HSD17B12: variants seen among roughly 807,000 people sequenced by gnomAD.
HSD17B12 encodes the protein very-long-chain 3-oxoacyl-CoA reductase.
In HSD17B12, 32 loss-of-function variants were observed where a neutral mutation model predicts 39.3. The observed-to-expected ratio is 0.81, with a 90% confidence interval of 0.61 to 1.09. HSD17B12 has a LOEUF of 1.09. Ranked by LOEUF, HSD17B12 falls within the 50% of genes least tolerant of loss-of-function variation. The pLI, the probability that HSD17B12 is intolerant of heterozygous loss-of-function variation, is 0.00. For missense variants in HSD17B12, 342 were observed against 382.9 expected (o/e 0.89, Z 0.89); for synonymous variants, 150 against 146.7 (o/e 1.02, Z -0.16).
the HSD17B12 span, chr11:43,646,306 C>G: frequency 3.3e-5 from 5 of 152,294 alleles, no homozygotes; most frequent in African/African-American, 1.2e-4. Flanking sequence ...TTCCCTCTAA[C>G]CTGACCTAAG....
At chr11:43,772,900 CA>C (rs1197851480) in intron 3 of HSD17B12, among the ~76,000 whole-genome samples, 1 of 152,148 alleles carries the variant, frequency 6.6e-6, no homozygotes, top group Non-Finnish European at 1.5e-5. Context: ...CGCTTGAGCC[CA>C]GGCGTTTGAG....
intron 1 of HSD17B12, among the ~76,000 whole-genome samples, chr11:43,691,366 A>G (rs1325866668): frequency 6.6e-6 from 1 of 152,182 alleles, no homozygotes; most frequent in Non-Finnish European, 1.5e-5. Flanking sequence ...AGTTGATGCA[A>G]ATTTCTCAGG....
chr11:43,785,425 A>G (rs1006665066), intron 3 of HSD17B12, among the ~76,000 whole-genome samples: 8 of 152,212 alleles, frequency 5.3e-5, no homozygotes, highest in Non-Finnish European at 8.8e-5. Flanking sequence ...AACTACATTT[A>G]CTTGCTTGAT....
chr11:43,769,234 C>G (rs1336855928), intron 3 of HSD17B12, among the ~76,000 whole-genome samples: 2 of 152,254 alleles, frequency 1.3e-5, no homozygotes, highest in African/African-American at 4.8e-5. Context: ...GCCACTGCCT[C>G]ACTGCCTTAA....
intron 3 of HSD17B12, among the ~76,000 whole-genome samples, chr11:43,771,909 A>G (rs1950654219): frequency 6.6e-6 from 1 of 152,212 alleles, no homozygotes; most frequent in Non-Finnish European, 1.5e-5. Flanking sequence ...TGTTTCTTCT[A>G]TAAACTGTCA....
Position 43,680,869 on chromosome 11 carries a change from C to G in HSD17B12, c.42C>G (p.Val14=). 2 of 1,614,126 alleles carry G rather than the reference C, an allele frequency of 1.2e-6. No homozygotes were observed. The highest frequency in any genetic ancestry group is 1.7e-6 in the Non-Finnish European group (2 of 1,180,020). Residue 14 remains valine, a synonymous_variant, in exon 1 of 11, where the codon GTC becomes GTG. Transcript: ENST00000278353. ...CCGCCGCCGGCTTCCTGTACTGGGT[C>G]GGCGCGGGCACCGTGGCCTACCTAG... ...ALPAAGFLYW[V]GAGTVAYLAL... is the part of the protein sequence containing the mutation.
At chr11:43,627,842 G>A in the HSD17B12 span, among the ~76,000 whole-genome samples, 1 of 151,928 alleles carries the variant, frequency 6.6e-6, no homozygotes, top group East Asian at 1.9e-4. Context: ...GGAAGTTTCT[G>A]TCTTCATGGC....
chr11:43,611,564 A>G, the HSD17B12 span, among the ~76,000 whole-genome samples: 2 of 152,230 alleles, frequency 1.3e-5, no homozygotes, highest in East Asian at 1.9e-4. Context: ...TTAATCCTTC[A>G]TAACTGCAGA....
At chr11:43,777,157 C>T (rs1950714520) in intron 3 of HSD17B12, among the ~76,000 whole-genome samples, 2 of 152,112 alleles carry the variant, frequency 1.3e-5, no homozygotes, top group African/African-American at 2.4e-5. Flanking sequence ...TCATTGGTAG[C>T]TTGATGGGGA....
chr11:43,701,236 A>G (rs1042420447), intron 1 of HSD17B12, among the ~76,000 whole-genome samples: 1 of 152,132 alleles, frequency 6.6e-6, no homozygotes, highest in Admixed American at 6.5e-5. Context: ...TCTGGTTATT[A>G]ATCCCTTATC....
the HSD17B12 span, among the ~76,000 whole-genome samples, chr11:43,616,461 C>T: frequency 6.9e-6 from 1 of 145,852 alleles, no homozygotes; most frequent in Non-Finnish European, 1.5e-5. Context: ...CAGCATAAGT[C>T]ATTTAAAACT....
the HSD17B12 span, among the ~76,000 whole-genome samples, chr11:43,580,707 G>A: frequency 6.6e-6 from 1 of 152,066 alleles, no homozygotes; most frequent in Non-Finnish European, 1.5e-5. Flanking sequence ...GAATGAGGAG[G>A]GGGTCCTGAA....
the HSD17B12 span, among the ~76,000 whole-genome samples, chr11:43,605,931 A>G: frequency 6.6e-6 from 1 of 152,244 alleles, no homozygotes. Flanking sequence ...GTTGCCTTTC[A>G]TATTGTGAAT....
rs551393313 is a variant in HSD17B12, at chr11:43,750,793, C to A, written c.161-118C>A. 65 of 616,468 alleles carry A rather than the reference C, an allele frequency of 1.1e-4. No individual in the cohort carries two copies. In the East Asian group the frequency reaches 1.8e-3, roughly 17 times the overall value. 38.2% of individuals were successfully genotyped at this position (616,468 alleles called of 1,614,324 possible). A position where few individuals can be genotyped will look rare whatever the true frequency, so the allele number is the denominator to read the frequency against. ...TTAGATTTGAACCGCTGGTATTGTTCTGTCTTTTACATCAAAGTGTCACAC... is the reference window on the plus strand; with the variant it reads ...TTAGATTTGAACCGCTGGTATTGTTATGTCTTTTACATCAAAGTGTCACAC... On this transcript the variant is annotated intron_variant, in intron 1 of 10. Transcript: ENST00000278353.
intron 1 of HSD17B12, among the ~76,000 whole-genome samples, chr11:43,713,110 A>C (rs1950085131): frequency 6.6e-6 from 1 of 152,196 alleles, no homozygotes; most frequent in Non-Finnish European, 1.5e-5. Flanking sequence ...ACACTGTACA[A>C]TTTGGTAGTC....
chr11:43,767,643 G>A (rs555631217), intron 3 of HSD17B12, among the ~76,000 whole-genome samples: 22 of 152,168 alleles, frequency 1.4e-4, no homozygotes, highest in African/African-American at 3.1e-4. Flanking sequence ...ATGACCTAGC[G>A]TTATGTCTAA....
At chr11:43,682,579 T>G (rs1949759924) in intron 1 of HSD17B12, among the ~76,000 whole-genome samples, 2 of 150,910 alleles carry the variant, frequency 1.3e-5, no homozygotes, top group East Asian at 3.9e-4. Flanking sequence ...GAAAGTGAAG[T>G]ATTCAACTTG....
At chr11:43,558,323 C>T in the HSD17B12 span, among the ~76,000 whole-genome samples, 1 of 152,130 alleles carries the variant, frequency 6.6e-6, no homozygotes, top group Non-Finnish European at 1.5e-5. Flanking sequence ...CTTCTCCCTC[C>T]CCCGCGTCTT....
At chr11:43,846,217 C>T (rs758784961) in intron 9 of HSD17B12, among the ~76,000 whole-genome samples, 7 of 152,200 alleles carry the variant, frequency 4.6e-5, no homozygotes, top group Non-Finnish European at 7.3e-5. Flanking sequence ...AAAAGCACTC[C>T]AAGCTGGGAA....
Sources: allele counts gnomAD v4.1 joint callset (sites outside exome capture counted in the v4.1 genomes callset), GRCh38; gene constraint gnomAD v4.1.1; transcripts MANE v1.5; gene names NCBI Gene and HGNC (gene_info 2026-07-23, HGNC 2026-07-21).